FAM163B: variants seen among roughly 807,000 people sequenced by gnomAD.
FAM163B encodes the protein protein FAM163B.
FAM163B carries 4 observed loss-of-function variants against 7.6 expected under a neutral mutation model. The observed-to-expected ratio is 0.52, with a 90% CI of 0.26 to 1.20. The LOEUF is 1.20. Among genes scored for constraint, FAM163B ranks in the 50% most tolerant of loss-of-function variants. The pLI is 0.14. For missense variants in FAM163B, 250 were observed against 243.0 expected, an observed-to-expected ratio of 1.03 and a Z score of -0.19; for synonymous variants, 120 against 111.6, an observed-to-expected ratio of 1.07 and a Z score of -0.47.
chr9:133,608,367 G>T (rs1182881291), intron 1 of FAM163B, among the ~76,000 whole-genome samples: 2 of 152,228 alleles, frequency 1.3e-5, no homozygotes, highest in African/African-American at 2.4e-5. Flanking sequence ...GGAGCCCTGA[G>T]GACCCATGTT....
intron 1 of FAM163B, among the ~76,000 whole-genome samples, chr9:133,590,159 C>T (rs1286407359): frequency 2.7e-5 from 3 of 111,302 alleles, no homozygotes; most frequent in African/African-American, 1.0e-4. Context: ...CCCTTCCCCT[C>T]CCCTTCCCCT....
intron 1 of FAM163B, among the ~76,000 whole-genome samples, chr9:133,603,065 T>G (rs533922097): frequency 6.6e-6 from 1 of 152,284 alleles, no homozygotes; most frequent in South Asian, 2.1e-4. Flanking sequence ...GGTGGGCAGG[T>G]GCTCGCCTTC....
rs1436393915 is a variant in FAM163B at position 133,590,087 on chromosome 9, T to C, written c.-23-9841A>G. On this transcript the variant is annotated intron_variant, in intron 1 of 2. Transcript: ENST00000673969. Reference sequence around the variant, plus strand: ...CTTCCCCTTCCCTTCCCCTTCCCCTTCCCTTCCCCTTCCCCTTCCCTTCCC... The same window carrying C: ...CTTCCCCTTCCCTTCCCCTTCCCCTCCCCTTCCCCTTCCCCTTCCCTTCCC... Among the ~76,000 whole-genome samples the C allele has an allele frequency of 7.3e-4, 16 of 21,892 alleles. 1 individual carries two copies. The highest frequency in any genetic ancestry group is 1.9e-3 in the African/African-American group (11 of 5,660). 14.4% of individuals were successfully genotyped at this position (21,892 alleles called of 152,430 possible).
intron 2 of FAM163B, 27 bp from the exon 3 acceptor site, chr9:133,579,456 CG>C: frequency 3.9e-6 from 6 of 1,542,582 alleles, no homozygotes; most frequent in Non-Finnish European, 5.2e-6. Context: ...GGTGACCATG[CG>C]GCCGCCCGCT....
At chr9:133,605,594 G>A (rs958259304) in intron 1 of FAM163B, among the ~76,000 whole-genome samples, 5 of 152,224 alleles carry the variant, frequency 3.3e-5, no homozygotes, top group African/African-American at 1.2e-4. Context: ...GCTCCCCGAG[G>A]GCTGAGAGCG....
chr9:133,580,484 G>T (rs1831340534), intron 1 of FAM163B, among the ~76,000 whole-genome samples: 1 of 152,192 alleles, frequency 6.6e-6, no homozygotes, highest in African/African-American at 2.4e-5. Flanking sequence ...GTAGAAGGTG[G>T]ATGCTAATAG....
chr9:133,600,605 G>A lies in FAM163B; in HGVS notation c.-24+8472C>T, dbSNP rs7858630. On this transcript the variant is annotated intron_variant, in intron 1 of 2. Transcript: ENST00000673969. The surrounding 1 kb of genome is among the most constrained non-coding windows in gnomAD (Gnocchi z 4.9). ...GCAGTGGGATGGGGTGGGAGCAGGGGTAAAACCAGAGGGTAAAAGGATGGG... is the reference window on the plus strand; with the variant it reads ...GCAGTGGGATGGGGTGGGAGCAGGGATAAAACCAGAGGGTAAAAGGATGGG... Among the ~76,000 whole-genome samples, 6 of 151,944 alleles carry A rather than the reference G, an allele frequency of 3.9e-5. No individual in the cohort carries two copies. Among genetic ancestry groups the A allele is most frequent in the Admixed American group, 3.9e-4 (6 of 15,262 alleles).
In FAM163B at chr9:133,579,081, G is replaced by T; in HGVS notation, c.442C>A (p.Arg148Ser). 6.3e-7 allele frequency: 1 copy of T among 1,590,704 alleles called. No individual in the cohort carries two copies. The highest frequency in any genetic ancestry group is 8.5e-7 in the Non-Finnish European group (1 of 1,169,726). ...AAGGCCTCCCGCATGGCTGAGAGGC[G>T]GTTGGGGTTGAGCGCCTGCAGGCCC... ...FGGLQALNPNRLSAMREAFAR... is the reference protein window; with the variant it reads ...FGGLQALNPNSLSAMREAFAR... Residue 148 changes from arginine (R) to serine (S), a missense_variant, in exon 3 of 3, where the codon CGC (arginine) becomes AGC (serine). Transcript: ENST00000673969.
intron 1 of FAM163B, among the ~76,000 whole-genome samples, 164 bp from the exon 2 acceptor site, chr9:133,580,410 A>T (rs1245570067): frequency 6.6e-6 from 1 of 152,338 alleles, no homozygotes; most frequent in Non-Finnish European, 1.5e-5. Context: ...GCAGGAGCCC[A>T]GGTCCTGCTC....
rs540453205 is a variant in FAM163B at position 133,593,153 on chromosome 9, C to T, written c.-23-12907G>A. On this transcript the variant is annotated intron_variant, in intron 1 of 2. Coordinates refer to ENST00000673969, the MANE Select transcript of FAM163B (RefSeq NM_001080515.3). ...TGGGACCTGATGAAGGTTTCCCCCC[C>T]TGTATCGCTGTGCCCATTCTGCAGA... 2.6e-5 allele frequency among the ~76,000 whole-genome samples: 4 copies of T among 152,360 alleles called. No individual in the cohort carries two copies. The East Asian group carries it at 5.8e-4, about 22-fold the overall frequency.
intron 1 of FAM163B, among the ~76,000 whole-genome samples, chr9:133,599,324 T>G (rs1207190859): frequency 6.6e-6 from 1 of 152,170 alleles, no homozygotes; most frequent in African/African-American, 2.4e-5. Flanking sequence ...AGGCCTCCTC[T>G]GGGCTCCCCT....
At chr9:133,592,559 C>T (rs1444001780) in intron 1 of FAM163B, among the ~76,000 whole-genome samples, 1 of 152,196 alleles carries the variant, frequency 6.6e-6, no homozygotes, top group Admixed American at 6.5e-5. Flanking sequence ...GGTGGGGAGG[C>T]TGCGCCAGTG....
chr9:133,592,038 C>A (rs1268163872), intron 1 of FAM163B, among the ~76,000 whole-genome samples: 1 of 152,158 alleles, frequency 6.6e-6, no homozygotes. Context: ...CTGGCCCACC[C>A]TGCTTGTTTT....
chr9:133,590,407 CTT>C (rs1409395702), intron 1 of FAM163B, among the ~76,000 whole-genome samples: 1 of 152,144 alleles, frequency 6.6e-6, no homozygotes, highest in East Asian at 1.9e-4. Context: ...AAACAAATAA[CTT>C]AGTCCCGTGC....
Position 133,600,918 on chromosome 9 carries a change from TA to T in FAM163B, c.-24+8158del, listed in dbSNP as rs563732282. Among the ~76,000 whole-genome samples, 52 of 152,110 alleles carry T rather than the reference TA, an allele frequency of 3.4e-4. No individual in the cohort carries two copies. Among genetic ancestry groups the T allele is most frequent in the East Asian group, 5.8e-4 (3 of 5,166 alleles). On this transcript the variant is annotated intron_variant, in intron 1 of 2. Transcript: ENST00000673969. The surrounding 1 kb of genome is among the most constrained non-coding windows in gnomAD (Gnocchi z 4.9). ...AACTCAACTCTCCCTTGGTAGGGGG[TA>T]GGGGGGGAGCTTCATTGCCTCGAGT...
chr9:133,607,604 C>T lies in FAM163B; in HGVS notation c.-24+1473G>A, dbSNP rs374006436. The stretch of plus-strand genomic sequence containing the variant: ...ATCCTTCCCAGACCCCCAGATCCTT[C>T]GGGAGCCATTTCCAAGCTTTCCGGC... On this transcript the variant is annotated intron_variant, in intron 1 of 2. Coordinates refer to ENST00000673969, the MANE Select transcript of FAM163B (RefSeq NM_001080515.3). Among the ~76,000 whole-genome samples, 114 of 152,282 alleles carry T rather than the reference C, an allele frequency of 7.5e-4. 1 individual carries two copies. The highest frequency in any genetic ancestry group is 3.4e-3 in the Middle Eastern group (1 of 294).
At position 133,587,822 on chromosome 9, in the gene FAM163B, C is replaced by G. The variant is rs1477081115; in HGVS notation, c.-23-7576G>C. ...CCCAAGAGTCAGGCCTGCCTCAAAC[C>G]TCACCTTCTGCCCAGTCTAACTGAC... On this transcript the variant is annotated intron_variant, in intron 1 of 2. Transcript: ENST00000673969. 3.3e-5 allele frequency among the ~76,000 whole-genome samples: 5 copies of G among 152,228 alleles called. No homozygotes were observed. In the East Asian group the frequency reaches 9.7e-4, roughly 29 times the overall value.
chr9:133,581,894 T>C (rs1431457384), intron 1 of FAM163B, among the ~76,000 whole-genome samples: 1 of 152,200 alleles, frequency 6.6e-6, no homozygotes, highest in Non-Finnish European at 1.5e-5. Flanking sequence ...TCCCAGCCCA[T>C]TGCTGCAGCA....
chr9:133,589,540 G>A (rs1418199235), intron 1 of FAM163B, among the ~76,000 whole-genome samples: 2 of 152,020 alleles, frequency 1.3e-5, no homozygotes, highest in Non-Finnish European at 2.9e-5. Flanking sequence ...TAAACTCACC[G>A]CCTTCCCTGC....
Sources: gnomAD v4.1 joint callset for allele counts (sites outside exome capture counted in the v4.1 genomes callset) on GRCh38, gnomAD v4.1.1 for gene constraint, Gnocchi (gnomAD v3.1) non-coding constraint, MANE v1.5 for transcripts, NCBI Gene and HGNC (gene_info 2026-07-23, HGNC 2026-07-21) for gene names.